Variants in TCF7L2 observed in about 807,000 individuals in gnomAD.
TCF7L2 encodes transcription factor 7 like 2.
In TCF7L2, 23 loss-of-function variants were observed where a neutral mutation model predicts 77.9. That is an observed-to-expected ratio of 0.30 (90% CI 0.21 to 0.42). The LOEUF is 0.42. Ranked by LOEUF, TCF7L2 falls within the 10% of genes least tolerant of loss-of-function variation. The pLI is 1.00. For missense variants in TCF7L2, 654 were observed against 793.1 expected (o/e 0.82, Z 2.11); for synonymous variants, 413 against 340.2 (o/e 1.21, Z -2.36).
At chr10:113,037,233 C>T (rs1470193412) in intron 4 of TCF7L2, among the ~76,000 whole-genome samples, 1 of 152,198 alleles carries the variant, frequency 6.6e-6, no homozygotes, top group Admixed American at 6.5e-5. Context: ...AAAGGCACTT[C>T]ATCAGCCTGA....
At chr10:113,089,600 C>T (rs2135620168) in intron 5 of TCF7L2, 3 of 1,586,096 alleles carry the variant, frequency 1.9e-6, no homozygotes, top group Non-Finnish European at 2.6e-6. Flanking sequence ...AAGCCGCCCA[C>T]CCAAAGTTTA....
At chr10:113,036,012 G>C (rs2051137242) in intron 4 of TCF7L2, among the ~76,000 whole-genome samples, 1 of 152,136 alleles carries the variant, frequency 6.6e-6, no homozygotes, top group Non-Finnish European at 1.5e-5. Flanking sequence ...CTGTGGAGCA[G>C]AGTCACTGAA....
intron 5 of TCF7L2, among the ~76,000 whole-genome samples, chr10:113,066,049 C>T (rs963504685): frequency 3.9e-5 from 6 of 152,108 alleles, no homozygotes; most frequent in Non-Finnish European, 7.4e-5. Flanking sequence ...TTTCTGAATT[C>T]CAGTATACCA....
chr10:113,107,949 A>G (rs558353281), intron 5 of TCF7L2, among the ~76,000 whole-genome samples: 5 of 152,104 alleles, frequency 3.3e-5, no homozygotes, highest in African/African-American at 1.2e-4. Context: ...TAAAAATAGC[A>G]GTGAACCCTA....
chr10:113,082,394 A>G (rs2059403752), intron 5 of TCF7L2, among the ~76,000 whole-genome samples: 1 of 152,174 alleles, frequency 6.6e-6, no homozygotes, highest in Admixed American at 6.5e-5. Flanking sequence ...ACAATTAAAA[A>G]AATCTTATTT....
In TCF7L2 at chr10:112,983,137, T is replaced by G. The variant is rs187854714; in HGVS notation, c.450+18513T>G. On this transcript the variant is annotated intron_variant, in intron 4 of 13. Coordinates refer to ENST00000627217, the MANE Select transcript of TCF7L2 (RefSeq NM_001146274.2). ...CTGTTTTTGTTTTTTGTTTTTTTGT[T>G]TTTTTTTTGTCAGATTTCTGTTGCT... 4.6e-4 allele frequency among the ~76,000 whole-genome samples: 70 copies of G among 151,192 alleles called. 1 individual carries two copies. The East Asian group carries it at 0.013, about 27-fold the overall frequency.
intron 4 of TCF7L2, among the ~76,000 whole-genome samples, chr10:112,971,465 C>T (rs952299309): frequency 2.0e-5 from 3 of 152,042 alleles, no homozygotes; most frequent in African/African-American, 7.2e-5. Context: ...TGCACCACCA[C>T]ACCTGGCTAA....
chr10:112,974,100 A>G (rs997533067), intron 4 of TCF7L2, among the ~76,000 whole-genome samples: 2 of 152,228 alleles, frequency 1.3e-5, no homozygotes, highest in African/African-American at 4.8e-5. Flanking sequence ...AGAGGTTATC[A>G]TCTTGTCTAA....
chr10:112,962,672 C>T (rs1312831211), intron 3 of TCF7L2, among the ~76,000 whole-genome samples: 2 of 152,134 alleles, frequency 1.3e-5, no homozygotes, highest in Admixed American at 6.5e-5. Flanking sequence ...GGTCTTGGCT[C>T]ACTGCAACTT....
At chr10:112,995,593 G>T (rs998418257) in intron 4 of TCF7L2, among the ~76,000 whole-genome samples, 1 of 152,154 alleles carries the variant, frequency 6.6e-6, no homozygotes, top group Non-Finnish European at 1.5e-5. Context: ...CAGAACAAGG[G>T]ATTGATCTAG....
chr10:113,134,099 A>T, intron 5 of TCF7L2, among the ~76,000 whole-genome samples: 1 of 152,244 alleles, frequency 6.6e-6, no homozygotes, highest in Non-Finnish European at 1.5e-5. Flanking sequence ...CTATCGATAG[A>T]AGTCTTGTCC....
rs1431492932 is a variant in TCF7L2, at chr10:113,126,625, T to G, written c.553-14559T>G. The G allele has an allele frequency of 7.1e-6, 7 of 984,660 alleles. No homozygotes were observed. In the South Asian group the frequency reaches 2.4e-4, roughly 33 times the overall value. 61.0% of individuals were successfully genotyped at this position (984,660 alleles called of 1,614,324 possible). A position where few individuals can be genotyped will look rare whatever the true frequency, so the allele number is the denominator to read the frequency against. ...TGGGTTGTTGTGGAATCGGGGGAGATCCCAGTTATTGTGCTCTTCCCTATC... is the reference window on the plus strand; with the variant it reads ...TGGGTTGTTGTGGAATCGGGGGAGAGCCCAGTTATTGTGCTCTTCCCTATC... On this transcript the variant is annotated intron_variant, in intron 5 of 13. Coordinates refer to ENST00000627217, the MANE Select transcript of TCF7L2 (RefSeq NM_001146274.2).
intron 4 of TCF7L2, among the ~76,000 whole-genome samples, chr10:113,020,389 C>T (rs1458335564): frequency 1.3e-5 from 2 of 152,158 alleles, no homozygotes; most frequent in Non-Finnish European, 2.9e-5. Context: ...CTGGATTCTT[C>T]CAGCTGTGTG....
At chr10:113,073,127 TGTGAGA>T (rs1397733262) in intron 5 of TCF7L2, among the ~76,000 whole-genome samples, 1 of 116,928 alleles carries the variant, frequency 8.6e-6, no homozygotes, top group African/African-American at 2.9e-5. Flanking sequence ...TGTGTGTGTG[TGTGAGA>T]GAGAGAGAGA....
intron 5 of TCF7L2, among the ~76,000 whole-genome samples, chr10:113,048,801 C>T (rs2053892601): frequency 6.6e-6 from 1 of 152,172 alleles, no homozygotes; most frequent in Admixed American, 6.5e-5. Context: ...GGGATGGGGC[C>T]ACTGGCTCTT....
chr10:112,997,672 A>G (rs755217648), intron 4 of TCF7L2, among the ~76,000 whole-genome samples: 4 of 152,190 alleles, frequency 2.6e-5, no homozygotes, highest in Admixed American at 2.6e-4. Flanking sequence ...TTTGTAAAAC[A>G]TCTCCCTGGT....
chr10:112,989,375 GAAA>G (rs1444240118), intron 4 of TCF7L2, among the ~76,000 whole-genome samples: 1 of 147,302 alleles, frequency 6.8e-6, no homozygotes, highest in East Asian at 2.0e-4. Flanking sequence ...AAAAAAAAAA[GAAA>G]AAAAGCCAAA....
rs185376231 is a variant in TCF7L2, at chr10:113,093,674, G to A, written c.553-47510G>A. Among the ~76,000 whole-genome samples, 11 of 152,250 alleles carry A rather than the reference G, an allele frequency of 7.2e-5. No homozygotes were observed. The East Asian group carries it at 1.9e-3, about 27-fold the overall frequency. ...TGACTCAGAAAGTCAATATCCACCT[G>A]GGCAGGGATGAGTCATTTCTTTCTA... On this transcript the variant is annotated intron_variant, in intron 5 of 13. Transcript: ENST00000627217.
chr10:113,057,320 C>G (rs1481287299), intron 5 of TCF7L2, among the ~76,000 whole-genome samples: 1 of 152,196 alleles, frequency 6.6e-6, no homozygotes, highest in African/African-American at 2.4e-5. Flanking sequence ...CAGGTGTGCA[C>G]CACCAGGCCC....
Sources: allele counts gnomAD v4.1 joint callset (sites outside exome capture counted in the v4.1 genomes callset), GRCh38; gene constraint gnomAD v4.1.1; transcripts MANE v1.5; gene names NCBI Gene and HGNC (gene_info 2026-07-23, HGNC 2026-07-21).